Variants in RUFY1 observed in about 807,000 individuals in gnomAD.
RUFY1 encodes the protein RUN and FYVE domain containing 1.
Under a neutral mutation model 94.6 loss-of-function variants are expected in RUFY1, and 54 were observed. The ratio of observed to expected loss-of-function variants is 0.57; its 90% confidence interval spans 0.46 to 0.72. RUFY1 has a LOEUF of 0.72. RUFY1 is among the 30% of genes least tolerant of loss of function. The probability of loss-of-function intolerance (pLI) is 0.00; values close to 1 mark genes in which losing one functional copy is unlikely to be tolerated. For missense variants in RUFY1, 883 were observed against 883.9 expected, an observed-to-expected ratio of 1.00 and a Z score of 0.01; for synonymous variants, 396 against 347.3, an observed-to-expected ratio of 1.14 and a Z score of -1.56.
At chr5:179,601,076 G>A (rs566082285) in intron 14 of RUFY1, among the ~76,000 whole-genome samples, 27 of 152,288 alleles carry the variant, frequency 1.8e-4, no homozygotes, top group African/African-American at 5.3e-4. Context: ...AGCCCTCGTC[G>A]AGTGCTTGCC....
chr5:179,589,706 A>G lies in RUFY1; in HGVS notation c.1128+59A>G. The G allele has an allele frequency of 4.0e-6, 5 of 1,264,388 alleles. No individual in the cohort carries two copies. The South Asian group carries it at 4.8e-5, about 12-fold the overall frequency. The allele number at this position is 1,264,388 out of a possible 1,614,324, so 78.3% of individuals were successfully genotyped here. A position where few individuals can be genotyped will look rare whatever the true frequency, so the allele number is the denominator to read the frequency against. On this transcript the variant is annotated intron_variant, in intron 9 of 17. Coordinates refer to ENST00000319449, the MANE Select transcript of RUFY1 (RefSeq NM_025158.5). ...TCTCACTCAGACACACCTATTGTCAATCTCAAGCTCATGGCTTAACAACAA... is the reference window on the plus strand; with the variant it reads ...TCTCACTCAGACACACCTATTGTCAGTCTCAAGCTCATGGCTTAACAACAA...
intron 15 of RUFY1, among the ~76,000 whole-genome samples, chr5:179,605,585 T>C (rs768284309): frequency 1.4e-5 from 2 of 147,968 alleles, no homozygotes; most frequent in Non-Finnish European, 2.9e-5. Flanking sequence ...CCTCAGGCCA[T>C]CCTCTCGCCT....
In RUFY1 at chr5:179,592,208, C is replaced by T. The variant is rs1228117176; in HGVS notation, c.1245+467C>T. On this transcript the variant is annotated intron_variant, in intron 10 of 17. Coordinates refer to ENST00000319449, the MANE Select transcript of RUFY1 (RefSeq NM_025158.5). ...GATCTCGGCTCACTGCAACGTCTGC[C>T]TCCCAGGTTCAAGCAATTCTCCTGC... 2.6e-5 allele frequency among the ~76,000 whole-genome samples: 4 copies of T among 151,548 alleles called. No individual in the cohort carries two copies. In the East Asian group the frequency reaches 7.8e-4, roughly 29 times the overall value.
chr5:179,552,662 G>T (rs1402078968), intron 1 of RUFY1, among the ~76,000 whole-genome samples: 1 of 152,112 alleles, frequency 6.6e-6, no homozygotes, highest in Non-Finnish European at 1.5e-5. Flanking sequence ...TCTCCTGGAG[G>T]CCTCTTAGAT....
At chr5:179,589,692 C>A in intron 9 of RUFY1, 45 bp downstream of exon 9, 1 of 1,340,470 alleles carries the variant, frequency 7.5e-7, no homozygotes, top group Non-Finnish European at 1.1e-6. Context: ...CTCACTCAGA[C>A]ACACCTATTG....
intron 15 of RUFY1, among the ~76,000 whole-genome samples, chr5:179,603,229 C>T (rs1766633366): frequency 6.6e-6 from 1 of 151,090 alleles, no homozygotes; most frequent in Non-Finnish European, 1.5e-5. Context: ...TGCACCACTG[C>T]ACTCCAGCCT....
chr5:179,555,628 T>C (rs1321358963), intron 1 of RUFY1: 2 of 335,130 alleles, frequency 6.0e-6, no homozygotes, highest in South Asian at 2.3e-5. Context: ...CAACTTTTTT[T>C]TTTTTTTTTT....
chr5:179,597,742 T>C (rs577399078), intron 13 of RUFY1, among the ~76,000 whole-genome samples: 1 of 152,264 alleles, frequency 6.6e-6, no homozygotes. Flanking sequence ...AAGAGACATC[T>C]TTATTCCCAC....
chr5:179,585,067 G>T (rs540321974), intron 7 of RUFY1, among the ~76,000 whole-genome samples: 1 of 152,188 alleles, frequency 6.6e-6, no homozygotes, highest in Non-Finnish European at 1.5e-5. Context: ...GGAGGTGGAG[G>T]TTCCAGTGAG....
chr5:179,551,328 C>G (rs1761836967), intron 1 of RUFY1, among the ~76,000 whole-genome samples: 1 of 152,214 alleles, frequency 6.6e-6, no homozygotes. Context: ...TTAAAGTCAC[C>G]CGATGATCTC....
intron 13 of RUFY1, chr5:179,598,337 G>A (rs1359693392): frequency 2.3e-5 from 5 of 218,782 alleles, no homozygotes; most frequent in African/African-American, 1.2e-4. Context: ...CACTCCAGCT[G>A]GGGTGACAGA....
chr5:179,591,775 GTT>G (rs776401940), intron 10 of RUFY1, 34 bp downstream of exon 10: 107 of 1,245,514 alleles, frequency 8.6e-5, no homozygotes, highest in Non-Finnish European at 1.1e-4. Flanking sequence ...TTTAGAAAGA[GTT>G]TCCCCGTAGT....
intron 5 of RUFY1, among the ~76,000 whole-genome samples, chr5:179,576,784 A>C (rs1053511227): frequency 6.6e-6 from 1 of 152,188 alleles, no homozygotes; most frequent in Non-Finnish European, 1.5e-5. Flanking sequence ...TACACAAATA[A>C]TTTTGTTGAT....
chr5:179,560,478 G>A (rs1336932615), intron 2 of RUFY1, among the ~76,000 whole-genome samples: 1 of 152,074 alleles, frequency 6.6e-6, no homozygotes, highest in Non-Finnish European at 1.5e-5. Flanking sequence ...CCAGCACTTT[G>A]GGAGGCCAAG....
At chr5:179,582,373 G>A (rs1449370106) in intron 7 of RUFY1, among the ~76,000 whole-genome samples, 1 of 152,028 alleles carries the variant, frequency 6.6e-6, no homozygotes, top group East Asian at 1.9e-4. Flanking sequence ...CTACAGGCAT[G>A]CACCACTACA....
chr5:179,607,778 T>G lies in RUFY1; in HGVS notation c.1983+119T>G, dbSNP rs192869671. On this transcript the variant is annotated intron_variant, in intron 17 of 17. Transcript: ENST00000319449. ...CTCACTGCCCGGTGACTGTGCTGAC[T>G]GTGGCAGATGGGCAGCCCCGCCTCT... 1.6e-4 allele frequency: 133 copies of G among 827,900 alleles called. No homozygotes were observed. The East Asian group carries it at 3.5e-3, about 22-fold the overall frequency. The allele number at this position is 827,900 out of a possible 1,614,324, so 51.3% of individuals were successfully genotyped here.
At chr5:179,591,472 ATG>A (rs1765098965) in intron 9 of RUFY1, among the ~76,000 whole-genome samples, 151 bp from the exon 10 acceptor site, 1 of 152,176 alleles carries the variant, frequency 6.6e-6, no homozygotes, top group African/African-American at 2.4e-5. Flanking sequence ...GCGTGAGCCA[ATG>A]CGCCCAGCCA....
rs150913454 is a variant in RUFY1 at position 179,601,494 on chromosome 5, G to C, written c.1762-398G>C. ...ACCTTTTGCTCTTGAAAAACATTCT[G>C]ATCTGCTTGTTGCTCTGGTTGCTGA... On this transcript the variant is annotated intron_variant, in intron 14 of 17. Coordinates refer to ENST00000319449, the MANE Select transcript of RUFY1 (RefSeq NM_025158.5). Among the ~76,000 whole-genome samples the C allele has an allele frequency of 4.7e-3, 705 of 151,498 alleles. 5 individuals are homozygous for C. Among genetic ancestry groups the C allele is most frequent in the Non-Finnish European group, 7.4e-3 (504 of 67,872 alleles).
chr5:179,580,206 C>CGTGTGTGTGTGTGTGT (rs71591429), intron 6 of RUFY1, among the ~76,000 whole-genome samples: 88 of 127,580 alleles, frequency 6.9e-4, no homozygotes, highest in Non-Finnish European at 9.6e-4. Flanking sequence ...CAAAAAATTC[C>CGTGTGTGTGTGTGTGT]GTGTGTGTGT....
Sources: gnomAD v4.1 joint callset for allele counts (sites outside exome capture counted in the v4.1 genomes callset) on GRCh38, gnomAD v4.1.1 for gene constraint, MANE v1.5 for transcripts, NCBI Gene and HGNC (gene_info 2026-07-23, HGNC 2026-07-21) for gene names.